ELMO1: variants seen among roughly 807,000 people sequenced by gnomAD.
The protein encoded by ELMO1 is engulfment and cell motility 1.
Under a neutral mutation model 98.9 loss-of-function variants are expected in ELMO1, and 26 were observed. The ratio of observed to expected loss-of-function variants is 0.26; its 90% confidence interval spans 0.19 to 0.36. The LOEUF is 0.36. Among genes scored for constraint, ELMO1 ranks in the 10% least tolerant of loss-of-function variants. The pLI is 1.00. For synonymous variants in ELMO1, 346 were observed against 346.0 expected, an observed-to-expected ratio of 1.00 and a Z score of 0.00; for missense variants, 627 against 935.2, an observed-to-expected ratio of 0.67 and a Z score of 4.30.
intron 15 of ELMO1, among the ~76,000 whole-genome samples, chr7:37,062,290 G>T (rs1257562635): frequency 2.0e-5 from 3 of 152,160 alleles, no homozygotes; most frequent in African/African-American, 4.8e-5. Context: ...ATGAGAATGA[G>T]CCCAGCATTC....
intron 16 of ELMO1, among the ~76,000 whole-genome samples, chr7:36,968,939 T>C (rs1789677887): frequency 6.6e-6 from 1 of 152,158 alleles, no homozygotes; most frequent in African/African-American, 2.4e-5. Flanking sequence ...AGTTTTGGCA[T>C]GTGATGTTCT....
At chr7:37,192,970 G>GAT (rs374892700) in intron 13 of ELMO1, among the ~76,000 whole-genome samples, 36 of 40,076 alleles carry the variant, frequency 9.0e-4, no homozygotes, top group African/African-American at 2.2e-3. Flanking sequence ...ATATATAGGA[G>GAT]ATATATATAT....
intron 15 of ELMO1, among the ~76,000 whole-genome samples, chr7:37,080,717 C>T (rs2129235786): frequency 6.7e-6 from 1 of 148,832 alleles, no homozygotes; most frequent in Middle Eastern, 3.4e-3. Context: ...TCTCAAAGTG[C>T]TGGAATTGCA....
intron 6 of ELMO1, among the ~76,000 whole-genome samples, chr7:37,257,007 C>G (rs1439913874): frequency 6.6e-6 from 1 of 152,192 alleles, no homozygotes; most frequent in Non-Finnish European, 1.5e-5. Context: ...TTAATTGATT[C>G]AGCAATTTCA....
In ELMO1 at chr7:37,345,905, C is replaced by T. The variant is rs529538328; in HGVS notation, c.-73-3142G>A. The stretch of plus-strand genomic sequence containing the variant: ...TCGGGAGGCTGAGACAGGAAAATGG[C>T]GTGAACCCAGGAGGCAGAGCTTGCA... On this transcript the variant is annotated intron_variant, in intron 1 of 21. Transcript: ENST00000310758. 1.8e-4 allele frequency among the ~76,000 whole-genome samples: 27 copies of T among 149,998 alleles called. No individual in the cohort carries two copies. The South Asian group carries it at 4.9e-3, about 27-fold the overall frequency.
intron 15 of ELMO1, among the ~76,000 whole-genome samples, chr7:37,027,891 G>A (rs1029291490): frequency 6.6e-6 from 1 of 152,050 alleles, no homozygotes; most frequent in Non-Finnish European, 1.5e-5. Context: ...TATCAAACCA[G>A]TAACAGCTGG....
At chr7:37,226,474 G>T (rs939680294) in intron 8 of ELMO1, among the ~76,000 whole-genome samples, 1 of 152,154 alleles carries the variant, frequency 6.6e-6, no homozygotes, top group East Asian at 1.9e-4. Flanking sequence ...TGTGTTCAGG[G>T]TTTAATACTT....
Position 37,334,237 on chromosome 7 carries a change from T to C in ELMO1, c.78+8376A>G, listed in dbSNP as rs944998639. The stretch of plus-strand genomic sequence containing the variant: ...ACTCTGTCCACCGCCCAAGAGACAT[T>C]TGGCAATGTCTAAGCCTGGCCAACA... On this transcript the variant is annotated intron_variant, in intron 2 of 21. Coordinates refer to ENST00000310758, the MANE Select transcript of ELMO1 (RefSeq NM_014800.11). 5.3e-5 allele frequency among the ~76,000 whole-genome samples: 8 copies of C among 152,090 alleles called. 1 individual carries two copies. The highest frequency in any genetic ancestry group is 5.2e-4 in the Admixed American group (8 of 15,272).
intron 4 of ELMO1, among the ~76,000 whole-genome samples, chr7:37,298,506 A>C (rs1482651601): frequency 5.0e-5 from 7 of 139,334 alleles, no homozygotes; most frequent in Admixed American, 3.1e-4. Context: ...TCCTGTGTCC[A>C]TGTGTTCTCA....
intron 16 of ELMO1, among the ~76,000 whole-genome samples, chr7:36,937,374 G>C (rs1005943732): frequency 1.3e-5 from 2 of 152,188 alleles, no homozygotes; most frequent in African/African-American, 4.8e-5. Flanking sequence ...AAATGCCAAG[G>C]ATGGCCAGCA....
At chr7:37,171,786 C>T (rs1296501704) in intron 13 of ELMO1, among the ~76,000 whole-genome samples, 1 of 152,068 alleles carries the variant, frequency 6.6e-6, no homozygotes, top group East Asian at 1.9e-4. Flanking sequence ...GCCACCACGC[C>T]TGGCCGCCTT....
chr7:36,978,875 A>G (rs1790805332), intron 16 of ELMO1, among the ~76,000 whole-genome samples: 1 of 152,238 alleles, frequency 6.6e-6, no homozygotes, highest in Non-Finnish European at 1.5e-5. Context: ...GATTTGAAGC[A>G]TAATAGTAAG....
At chr7:37,315,513 T>A (rs1444208629) in intron 3 of ELMO1, among the ~76,000 whole-genome samples, 2 of 152,226 alleles carry the variant, frequency 1.3e-5, no homozygotes, top group Non-Finnish European at 2.9e-5. Context: ...CAGTGTGAGA[T>A]CCCACGGAGC....
chr7:37,070,608 C>T (rs527964481), intron 15 of ELMO1, among the ~76,000 whole-genome samples: 1 of 152,314 alleles, frequency 6.6e-6, no homozygotes, highest in South Asian at 2.1e-4. Context: ...CTCCTGTTCT[C>T]ATCTGTGGTC....
At position 37,023,723 on chromosome 7, in the gene ELMO1, T is replaced by C. The variant is rs73344356; in HGVS notation, c.1301-10288A>G. On this transcript the variant is annotated intron_variant, in intron 15 of 21. Transcript: ENST00000310758. ...CCTGGATTCAAGTGCTGGGATTACA[T>C]GTGCGTGCCACCAAGCCTGGCTAAT... 7.9e-3 allele frequency among the ~76,000 whole-genome samples: 1,205 copies of C among 152,196 alleles called. 17 individuals are homozygous for C. The highest frequency in any genetic ancestry group is 0.028 in the African/African-American group (1,145 of 41,536).
chr7:37,407,258 C>T (rs1195091817), intron 1 of ELMO1, among the ~76,000 whole-genome samples: 1 of 152,044 alleles, frequency 6.6e-6, no homozygotes, highest in Non-Finnish European at 1.5e-5. Flanking sequence ...GTCTGTAATC[C>T]TAGCACTTTG....
chr7:37,068,908 A>G (rs2129222672), intron 15 of ELMO1, among the ~76,000 whole-genome samples: 1 of 152,352 alleles, frequency 6.6e-6, no homozygotes, highest in South Asian at 2.1e-4. Context: ...AAGGTGGCTA[A>G]TACAAAATAA....
chr7:37,198,697 A>G (rs1399846106), intron 13 of ELMO1, among the ~76,000 whole-genome samples: 1 of 152,216 alleles, frequency 6.6e-6, no homozygotes, highest in East Asian at 1.9e-4. Flanking sequence ...CCTATGTGTC[A>G]CCCTTGCACC....
intron 15 of ELMO1, among the ~76,000 whole-genome samples, chr7:37,077,068 C>T (rs75726506): frequency 0.016 from 2,505 of 152,298 alleles, 38 homozygotes; most frequent in Non-Finnish European, 0.027. Flanking sequence ...CTAGCTGCCC[C>T]GCTCCAACCC....
Sources: allele counts gnomAD v4.1 joint callset (sites outside exome capture counted in the v4.1 genomes callset), GRCh38; gene constraint gnomAD v4.1.1; transcripts MANE v1.5; gene names NCBI Gene and HGNC (gene_info 2026-07-23, HGNC 2026-07-21).